PPP1R13B: variants seen among roughly 807,000 people sequenced by gnomAD.
The protein encoded by PPP1R13B is apoptosis-stimulating of p53 protein 1.
Under a neutral mutation model 119.8 loss-of-function variants are expected in PPP1R13B, and 44 were observed. The observed-to-expected ratio is 0.37, with a 90% CI of 0.29 to 0.47. The LOEUF (loss-of-function observed/expected upper bound fraction) is 0.47. Among genes scored for constraint, PPP1R13B ranks in the 20% least tolerant of loss-of-function variants. The probability of loss-of-function intolerance (pLI) is 0.99; values close to 1 mark genes in which losing one functional copy is unlikely to be tolerated. For synonymous variants in PPP1R13B, 542 were observed against 561.5 expected, an observed-to-expected ratio of 0.97 and a Z score of 0.49; for missense variants, 1,227 against 1,413.5, an observed-to-expected ratio of 0.87 and a Z score of 2.12.
chr14:103,735,805 G>C (rs781667164), intron 16 of PPP1R13B, among the ~76,000 whole-genome samples, 198 bp downstream of exon 16: 1 of 152,182 alleles, frequency 6.6e-6, no homozygotes, highest in Non-Finnish European at 1.5e-5. Context: ...CATGGCATAA[G>C]CATGGCTGGG....
rs2087081111 is a variant in PPP1R13B at position 103,847,475 on chromosome 14, C to T, written c.-168G>A. 2 of 988,616 alleles carry T rather than the reference C, an allele frequency of 2.0e-6. No individual in the cohort carries two copies. Among genetic ancestry groups the T allele is most frequent in the Admixed American group, 1.2e-4 (2 of 16,060 alleles). The allele number at this position is 988,616 out of a possible 1,614,324, so 61.2% of individuals were successfully genotyped here. A position where few individuals can be genotyped will look rare whatever the true frequency, so the allele number is the denominator to read the frequency against. On this transcript the variant is annotated 5_prime_UTR_variant, in exon 1 of 17. Transcript: ENST00000202556. ...GCGGGCTGCGGGGCTCTCGCTGGCC[C>T]TGTCGCGGCCGCCGGCGCGCTGCGT...
chr14:103,779,247 C>A (rs2085282767), intron 3 of PPP1R13B, among the ~76,000 whole-genome samples: 1 of 151,886 alleles, frequency 6.6e-6, no homozygotes, highest in African/African-American at 2.4e-5. Flanking sequence ...CAGGATTGGG[C>A]TACTGCACAA....
intron 2 of PPP1R13B, among the ~76,000 whole-genome samples, chr14:103,788,357 T>C (rs1054454434): frequency 1.3e-5 from 2 of 152,228 alleles, no homozygotes; most frequent in East Asian, 1.9e-4. Context: ...CATTCCAAAA[T>C]ATTACAATGC....
At chr14:103,743,052 C>T (rs753543102) in intron 9 of PPP1R13B, among the ~76,000 whole-genome samples, 4 of 152,228 alleles carry the variant, frequency 2.6e-5, no homozygotes, top group Non-Finnish European at 4.4e-5. Context: ...TCACTGCCAA[C>T]GCCCAAATCG....
At chr14:103,750,991 T>TA (rs1262821161) in intron 7 of PPP1R13B, among the ~76,000 whole-genome samples, 2 of 151,168 alleles carry the variant, frequency 1.3e-5, no homozygotes, top group Non-Finnish European at 2.9e-5. Flanking sequence ...CCGTCTCTAA[T>TA]AAAAATACAA....
intron 8 of PPP1R13B, among the ~76,000 whole-genome samples, chr14:103,748,627 C>T (rs539294737): frequency 8.5e-5 from 13 of 152,228 alleles, no homozygotes; most frequent in South Asian, 2.1e-4. Flanking sequence ...GCACTGCTCC[C>T]CTAATCACTG....
intron 1 of PPP1R13B, among the ~76,000 whole-genome samples, chr14:103,845,309 T>A (rs2087003377): frequency 6.6e-6 from 1 of 152,132 alleles, no homozygotes; most frequent in Non-Finnish European, 1.5e-5. Context: ...CAACTCCAAC[T>A]GTGTTAATAG....
chr14:103,847,752 G>A (rs1262068919), upstream of PPP1R13B: 4 of 515,238 alleles, frequency 7.8e-6, no homozygotes, highest in African/African-American at 2.1e-5. Context: ...AGGTGCGTGC[G>A]CGTCCGCGCT....
chr14:103,752,919 C>T, intron 7 of PPP1R13B, 81 bp downstream of exon 7: 8 of 1,448,506 alleles, frequency 5.5e-6, no homozygotes, highest in Non-Finnish European at 7.5e-6. Flanking sequence ...GTTTCCACTT[C>T]CTAAGGTTTC....
chr14:103,750,353 A>G (rs1032582944), intron 7 of PPP1R13B, among the ~76,000 whole-genome samples: 1 of 152,240 alleles, frequency 6.6e-6, no homozygotes, highest in Non-Finnish European at 1.5e-5. Flanking sequence ...CACCAAGTGA[A>G]GCACCTTTAC....
At chr14:103,780,288 C>T (rs2085306166) in intron 3 of PPP1R13B, among the ~76,000 whole-genome samples, 1 of 151,412 alleles carries the variant, frequency 6.6e-6, no homozygotes, top group Non-Finnish European at 1.5e-5. Context: ...GAGTTCACGA[C>T]CAGCCTGGGC....
intron 3 of PPP1R13B, among the ~76,000 whole-genome samples, chr14:103,784,404 G>A (rs7401843): frequency 0.4 from 61,187 of 151,172 alleles, 12,520 homozygotes; most frequent in African/African-American, 0.43. Flanking sequence ...CCAACATGGT[G>A]AAACCCCATC....
intron 4 of PPP1R13B, among the ~76,000 whole-genome samples, chr14:103,768,020 G>A (rs11626377): frequency 0.45 from 67,745 of 151,912 alleles, 15,600 homozygotes; most frequent in African/African-American, 0.56. Context: ...TCTTGCTTTT[G>A]TGTCTTTATT....
upstream of PPP1R13B, chr14:103,848,519 CA>C (rs1451573977): frequency 1.2e-5 from 12 of 983,494 alleles, no homozygotes; most frequent in East Asian, 1.1e-3. Context: ...GGAGAGCAGA[CA>C]GGGGGACTGA....
chr14:103,738,775 G>T lies in PPP1R13B; in HGVS notation c.2768C>A (p.Thr923Asn). The change falls in exon 14 of 17, where the codon ACC (threonine) becomes AAC (asparagine). Residue 923 changes from threonine (T) to asparagine (N), a missense_variant. Transcript: ENST00000202556. This position sits in a 1 kb window ranked among gnomAD's most constrained non-coding sequence, Gnocchi z 5.6. ...DPSKPNDEGI[T>N]PLHNAVCAGH... ...GGCGCAGACGGCGTTGTGCAGTGGG[G>T]TGATCCCTTCGTCGTTGGGCTTGCT... is the stretch of plus-strand genomic sequence containing the variant. 1 of 1,614,228 alleles carries T rather than the reference G, an allele frequency of 6.2e-7. No homozygotes were observed. Among genetic ancestry groups the T allele is most frequent in the Non-Finnish European group, 8.5e-7 (1 of 1,180,050 alleles).
intron 4 of PPP1R13B, among the ~76,000 whole-genome samples, chr14:103,761,963 C>T (rs867973011): frequency 6.6e-6 from 1 of 152,174 alleles, no homozygotes; most frequent in Middle Eastern, 3.2e-3. Flanking sequence ...TTTTGCTTGG[C>T]ATACATATGC....
chr14:103,802,236 G>C (rs1308140951), intron 1 of PPP1R13B, among the ~76,000 whole-genome samples: 1 of 152,150 alleles, frequency 6.6e-6, no homozygotes, highest in Admixed American at 6.6e-5. Flanking sequence ...GTGAACCCGG[G>C]AGGCGGAGCT....
chr14:103,824,999 C>G lies in PPP1R13B; in HGVS notation c.9+22300G>C, dbSNP rs540099728. ...GGCAACCCTGTGTCAAGCACGTCTA[C>G]TGGTGCCATTTTCCAACAGCATGTG... is the stretch of plus-strand genomic sequence containing the variant. On this transcript the variant is annotated intron_variant, in intron 1 of 16. Transcript: ENST00000202556. Among the ~76,000 whole-genome samples the G allele has an allele frequency of 2.6e-5, 4 of 152,254 alleles. No individual in the cohort carries two copies. The East Asian group carries it at 7.7e-4, about 29-fold the overall frequency.
chr14:103,806,477 G>A lies in PPP1R13B; in HGVS notation c.10-8959C>T, dbSNP rs191901142. Among the ~76,000 whole-genome samples the A allele has an allele frequency of 1.4e-3, 211 of 152,258 alleles. 1 individual carries two copies. Among genetic ancestry groups the A allele is most frequent in the Non-Finnish European group, 1.7e-3 (119 of 68,020 alleles). On this transcript the variant is annotated intron_variant, in intron 1 of 16. Coordinates refer to ENST00000202556, the MANE Select transcript of PPP1R13B (RefSeq NM_015316.3). The stretch of plus-strand genomic sequence containing the variant: ...GAGTAAATAGCTCATAAAAGCCACA[G>A]AAAGGATCAGTTGGGGTGAGGGTGG...
Sources: allele counts gnomAD v4.1 joint callset (sites outside exome capture counted in the v4.1 genomes callset), GRCh38; gene constraint gnomAD v4.1.1; non-coding constraint Gnocchi (gnomAD v3.1); transcripts MANE v1.5; gene names NCBI Gene and HGNC (gene_info 2026-07-23, HGNC 2026-07-21).